Variants in ARB2A observed in about 807,000 individuals in gnomAD.
The protein encoded by ARB2A is cotranscriptional regulator ARB2A.
At chr5:94,110,019 G>C in the ARB2A span, among the ~76,000 whole-genome samples, 1 of 151,804 alleles carries the variant, frequency 6.6e-6, no homozygotes, top group African/African-American at 2.4e-5. Context: ...AGAGTAGCTG[G>C]GAATACAGGC....
chr5:93,852,564 C>A, the ARB2A span, among the ~76,000 whole-genome samples: 1 of 152,032 alleles, frequency 6.6e-6, no homozygotes, highest in African/African-American at 2.4e-5. Flanking sequence ...CCTAGGTTTT[C>A]TTCTAGGGTT....
chr5:94,090,818 G>T, the ARB2A span, among the ~76,000 whole-genome samples: 1 of 152,114 alleles, frequency 6.6e-6, no homozygotes, highest in East Asian at 1.9e-4. Context: ...GTATGTGATG[G>T]ATTACATTTA....
the ARB2A span, chr5:93,737,816 T>C: frequency 1.0e-5 from 4 of 400,406 alleles, no homozygotes; most frequent in Non-Finnish European, 1.5e-5. Flanking sequence ...ACTTACCTCA[T>C]ACCGTATACA....
chr5:93,982,633 C>T, the ARB2A span, among the ~76,000 whole-genome samples: 1 of 152,188 alleles, frequency 6.6e-6, no homozygotes, highest in African/African-American at 2.4e-5. Context: ...ACTCAGATAG[C>T]ACAACCTACT....
chr5:93,954,926 G>A, the ARB2A span, among the ~76,000 whole-genome samples: 301 of 152,204 alleles, frequency 2.0e-3, 1 homozygote, highest in African/African-American at 7.0e-3. Flanking sequence ...CTTCTGCTGT[G>A]ACAGGGTAGC....
chr5:93,776,238 A>G, the ARB2A span: 1 of 1,609,260 alleles, frequency 6.2e-7, no homozygotes, highest in East Asian at 2.2e-5. Flanking sequence ...CCCAATTACA[A>G]CAGTTCTGCA....
chr5:93,972,630 A>T, the ARB2A span, among the ~76,000 whole-genome samples: 4 of 152,200 alleles, frequency 2.6e-5, no homozygotes, highest in African/African-American at 9.7e-5. Context: ...GAAATGACAG[A>T]TAATTCAGAA....
At chr5:94,070,646 A>G in the ARB2A span, among the ~76,000 whole-genome samples, 1 of 152,100 alleles carries the variant, frequency 6.6e-6, no homozygotes, top group South Asian at 2.1e-4. Flanking sequence ...GAGAATGAAA[A>G]GACAATCCAA....
the ARB2A span, among the ~76,000 whole-genome samples, chr5:93,768,788 C>T: frequency 1.3e-5 from 2 of 151,892 alleles, no homozygotes; most frequent in South Asian, 4.1e-4. Context: ...CTTGCTATGT[C>T]ATCCAGGCTG....
At chr5:93,887,735 C>G in the ARB2A span, among the ~76,000 whole-genome samples, 3 of 151,738 alleles carry the variant, frequency 2.0e-5, no homozygotes, top group Non-Finnish European at 4.4e-5. Context: ...AATAACAAAA[C>G]AGTTATAAAA....
At chr5:93,997,782 A>G in the ARB2A span, among the ~76,000 whole-genome samples, 1 of 152,046 alleles carries the variant, frequency 6.6e-6, no homozygotes, top group Non-Finnish European at 1.5e-5. Context: ...TCTTAAAATC[A>G]ACTGACAGTC....
chr5:93,690,877 C>T, the ARB2A span, among the ~76,000 whole-genome samples: 8 of 152,110 alleles, frequency 5.3e-5, no homozygotes, highest in African/African-American at 1.9e-4. Flanking sequence ...CTGCAGCCTC[C>T]GCTGGTGATA....
chr5:93,915,823 A>G, the ARB2A span, among the ~76,000 whole-genome samples: 1 of 152,086 alleles, frequency 6.6e-6, no homozygotes. Context: ...AAGATACTTC[A>G]TGTTGGGTAG....
chr5:93,853,142 G>T, the ARB2A span, among the ~76,000 whole-genome samples: 43 of 152,146 alleles, frequency 2.8e-4, no homozygotes, highest in African/African-American at 9.2e-4. Context: ...TTGAGCAGTG[G>T]TTTGTAGTTC....
chr5:94,029,094 C>T, the ARB2A span, among the ~76,000 whole-genome samples: 25 of 152,112 alleles, frequency 1.6e-4, no homozygotes, highest in Non-Finnish European at 2.6e-4. Context: ...CAGAATCAAG[C>T]GATTTTCCCA....
chr5:93,620,915 G>C, the ARB2A span: 1 of 1,430,420 alleles, frequency 7.0e-7, no homozygotes, highest in Non-Finnish European at 9.5e-7. Context: ...CTGGGAGTCC[G>C]CTCGACACAA....
At chr5:93,671,630 T>G in the ARB2A span, among the ~76,000 whole-genome samples, 1 of 152,120 alleles carries the variant, frequency 6.6e-6, no homozygotes, top group Non-Finnish European at 1.5e-5. Flanking sequence ...CAAAAAAATT[T>G]TTGGACATTT....
chr5:93,628,746 ATCTC>A, the ARB2A span, among the ~76,000 whole-genome samples: 1 of 152,136 alleles, frequency 6.6e-6, no homozygotes. Context: ...CAGCTTCTTC[ATCTC>A]TCTCAGCCTT....
chr5:94,092,146 G>A, the ARB2A span, among the ~76,000 whole-genome samples: 3 of 148,244 alleles, frequency 2.0e-5, no homozygotes, highest in Non-Finnish European at 3.0e-5. Context: ...GACCAGCCTG[G>A]CCAACAAAAC....
Sources: allele counts gnomAD v4.1 joint callset (sites outside exome capture counted in the v4.1 genomes callset), GRCh38; gene constraint gnomAD v4.1.1; transcripts MANE v1.5; gene names NCBI Gene and HGNC (gene_info 2026-07-23, HGNC 2026-07-21).